The following MACROD2 variants were observed in gnomAD, a reference collection of about 807,000 sequenced individuals.
MACROD2 encodes ADP-ribose glycohydrolase MACROD2.
In MACROD2, 36 loss-of-function variants were observed where a neutral mutation model predicts 70.4. The observed-to-expected ratio is 0.51, with a 90% CI of 0.39 to 0.68. MACROD2 has a LOEUF of 0.68. Among genes scored for constraint, MACROD2 ranks in the 30% least tolerant of loss-of-function variants. MACROD2 has a pLI of 0.00. For synonymous variants in MACROD2, 172 were observed against 178.8 expected, an observed-to-expected ratio of 0.96 and a Z score of 0.30; for missense variants, 496 against 538.4, an observed-to-expected ratio of 0.92 and a Z score of 0.78.
chr20:15,140,729 A>G (rs943064877), intron 5 of MACROD2, among the ~76,000 whole-genome samples: 5 of 152,276 alleles, frequency 3.3e-5, no homozygotes, highest in African/African-American at 1.2e-4. Flanking sequence ...CAAGTTGCTG[A>G]AGAACAGGAA....
chr20:15,238,162 T>C (rs1040611303), intron 6 of MACROD2, among the ~76,000 whole-genome samples: 1 of 152,228 alleles, frequency 6.6e-6, no homozygotes, highest in African/African-American at 2.4e-5. Flanking sequence ...CAAAGCTACA[T>C]TGAATATGCT....
chr20:15,679,999 G>A (rs558466128), intron 8 of MACROD2, among the ~76,000 whole-genome samples: 2 of 152,268 alleles, frequency 1.3e-5, no homozygotes, highest in African/African-American at 4.8e-5. Flanking sequence ...AACCTATGAT[G>A]TTTTATGGTC....
chr20:15,624,660 G>T, intron 8 of MACROD2, among the ~76,000 whole-genome samples: 2 of 152,080 alleles, frequency 1.3e-5, no homozygotes, highest in African/African-American at 2.4e-5. Context: ...GCCGCTTTCT[G>T]ACAAATAGTG....
At chr20:14,384,161 T>C (rs1380775413) in intron 3 of MACROD2, among the ~76,000 whole-genome samples, 2 of 152,152 alleles carry the variant, frequency 1.3e-5, no homozygotes, top group East Asian at 3.8e-4. Context: ...TACTTAACTC[T>C]GATGACTACA....
At chr20:14,659,740 T>G (rs1276819484) in intron 4 of MACROD2, among the ~76,000 whole-genome samples, 1 of 152,132 alleles carries the variant, frequency 6.6e-6, no homozygotes, top group Non-Finnish European at 1.5e-5. Context: ...AGTGTACTCA[T>G]TTTTGAGAAA....
intron 4 of MACROD2, among the ~76,000 whole-genome samples, chr20:14,533,208 G>A (rs1043120724): frequency 1.3e-5 from 2 of 152,134 alleles, no homozygotes; most frequent in African/African-American, 4.8e-5. Context: ...TCTGCTTTTC[G>A]TTCTTTATTT....
At chr20:14,270,473 G>A (rs1037434116) in intron 3 of MACROD2, among the ~76,000 whole-genome samples, 11 of 151,636 alleles carry the variant, frequency 7.3e-5, no homozygotes, top group African/African-American at 1.9e-4. Flanking sequence ...CCTGTAGTCC[G>A]AGCTCCCTGG....
intron 5 of MACROD2, among the ~76,000 whole-genome samples, chr20:14,991,931 C>G (rs971288283): frequency 6.6e-6 from 1 of 152,072 alleles, no homozygotes. Context: ...ATCCAACTCT[C>G]CATCCATCCA....
intron 8 of MACROD2, among the ~76,000 whole-genome samples, chr20:15,560,645 C>T (rs2048228964): frequency 6.6e-6 from 1 of 151,566 alleles, no homozygotes; most frequent in African/African-American, 2.4e-5. Context: ...TGCCTGTAAT[C>T]CCAGTGACTC....
At chr20:15,552,330 T>C (rs893741919) in intron 8 of MACROD2, 2 of 152,242 alleles carry the variant, frequency 1.3e-5, no homozygotes, top group Non-Finnish European at 2.9e-5. Flanking sequence ...ATGGCCCTTT[T>C]AGTCATCACC....
At chr20:15,233,419 A>G (rs1466782281) in intron 6 of MACROD2, among the ~76,000 whole-genome samples, 4 of 152,090 alleles carry the variant, frequency 2.6e-5, no homozygotes, top group African/African-American at 4.8e-5. Flanking sequence ...AATAAATTTC[A>G]CCTACCTCTC....
chr20:14,862,005 T>TTATATATATATATATATTTATATATA (rs369595827), intron 5 of MACROD2, among the ~76,000 whole-genome samples: 2 of 11,788 alleles, frequency 1.7e-4, no homozygotes, highest in African/African-American at 6.9e-4. Context: ...ATATATATAT[T>TTATATATATATATATATTTATATATA]TATATATATA....
At chr20:15,677,781 T>C (rs2050085839) in intron 8 of MACROD2, among the ~76,000 whole-genome samples, 1 of 152,150 alleles carries the variant, frequency 6.6e-6, no homozygotes, top group Non-Finnish European at 1.5e-5. Flanking sequence ...TATAAAAATG[T>C]ATTTTGGCCA....
At chr20:15,366,792 T>C (rs6043238) in intron 6 of MACROD2, among the ~76,000 whole-genome samples, 85,325 of 151,608 alleles carry the variant, frequency 0.56, 26,332 homozygotes, top group African/African-American at 0.84. Context: ...AACTCCTGGG[T>C]TCAAACAATC....
At chr20:15,775,053 C>T (rs2051698620) in intron 8 of MACROD2, among the ~76,000 whole-genome samples, 1 of 151,988 alleles carries the variant, frequency 6.6e-6, no homozygotes, top group Non-Finnish European at 1.5e-5. Context: ...AGAAGTGTAG[C>T]CTCCAGTCAG....
rs1042049008 is a variant in MACROD2, at chr20:14,323,604, C to G, written c.272-169875C>G. On this transcript the variant is annotated intron_variant, in intron 3 of 17. Transcript: ENST00000684519. ...GGGTTGTAAGTCCCAACCCTATAATCATGTCTTGGTCTTTTCAATGATCAG... is the reference window on the plus strand; with the variant it reads ...GGGTTGTAAGTCCCAACCCTATAATGATGTCTTGGTCTTTTCAATGATCAG... The G allele has an allele frequency of 2.6e-5, 4 of 152,308 alleles. No individual in the cohort carries two copies. The East Asian group carries it at 7.7e-4, about 29-fold the overall frequency. The allele number at this position is 152,308 out of a possible 1,614,324, so 9.4% of individuals were successfully genotyped here.
intron 3 of MACROD2, among the ~76,000 whole-genome samples, chr20:14,470,756 T>C (rs2084520177): frequency 6.6e-6 from 1 of 152,116 alleles, no homozygotes; most frequent in African/African-American, 2.4e-5. Flanking sequence ...GCGTCAGTAA[T>C]GGTGGACGCC....
chr20:15,573,723 T>G (rs2146631406), intron 8 of MACROD2, among the ~76,000 whole-genome samples: 1 of 152,222 alleles, frequency 6.6e-6, no homozygotes, highest in Non-Finnish European at 1.5e-5. Flanking sequence ...CTCCCCCTTC[T>G]GAATCTCCTT....
chr20:15,298,216 C>CTGAA (rs1301229444), intron 6 of MACROD2, among the ~76,000 whole-genome samples: 5 of 152,202 alleles, frequency 3.3e-5, no homozygotes, highest in Non-Finnish European at 7.3e-5. Context: ...AATGAGCCTA[C>CTGAA]TGAAGCCTCT....
Sources: allele counts gnomAD v4.1 joint callset (sites outside exome capture counted in the v4.1 genomes callset), GRCh38; gene constraint gnomAD v4.1.1; transcripts MANE v1.5; gene names NCBI Gene and HGNC (gene_info 2026-07-23, HGNC 2026-07-21).